Variants in TMEM238L observed in about 807,000 individuals in gnomAD.
TMEM238L encodes the protein transmembrane protein 238 like.
chr17:10,795,413 A>T (rs139803087), exon 2 of TMEM238L: 16 of 152,370 alleles, frequency 1.1e-4, no homozygotes, highest in African/African-American at 3.4e-4. Flanking sequence ...GTACGTTCAC[A>T]TTTGCAATCA....
chr17:10,799,865 A>C (rs1373620381), intron 1 of TMEM238L, among the ~76,000 whole-genome samples: 2 of 150,628 alleles, frequency 1.3e-5, no homozygotes, highest in Non-Finnish European at 2.9e-5. Flanking sequence ...TCTGCCCCTC[A>C]CCCCAGGCCC....
chr17:10,801,418 G>A (rs1198142824), intron 1 of TMEM238L, among the ~76,000 whole-genome samples: 1 of 152,120 alleles, frequency 6.6e-6, no homozygotes, highest in Non-Finnish European at 1.5e-5. Flanking sequence ...TCTGGCCTCT[G>A]TCTACCACAG....
chr17:10,802,955 T>C (rs1252853510), intron 1 of TMEM238L, among the ~76,000 whole-genome samples: 1 of 152,162 alleles, frequency 6.6e-6, no homozygotes, highest in East Asian at 1.9e-4. Flanking sequence ...CCTTGGAGAC[T>C]GGCTGGGCAC....
intron 1 of TMEM238L, among the ~76,000 whole-genome samples, chr17:10,801,773 C>T (rs1050389244): frequency 2.6e-5 from 4 of 151,600 alleles, no homozygotes; most frequent in Non-Finnish European, 5.9e-5. Flanking sequence ...AGAGCCCCCA[C>T]GTCATGTGTC....
intron 1 of TMEM238L, among the ~76,000 whole-genome samples, chr17:10,798,891 G>A (rs1904642286): frequency 6.6e-6 from 1 of 151,820 alleles, no homozygotes; most frequent in African/African-American, 2.4e-5. Context: ...TTATCTGCAG[G>A]AAATAACCAA....
intron 1 of TMEM238L, among the ~76,000 whole-genome samples, chr17:10,797,083 C>A (rs1904572829): frequency 6.6e-6 from 1 of 152,110 alleles, no homozygotes; most frequent in Admixed American, 6.5e-5. Flanking sequence ...AGTTGCCTAC[C>A]CCTGGTCTTA....
chr17:10,802,984 A>G (rs967888501), intron 1 of TMEM238L, among the ~76,000 whole-genome samples: 4 of 151,942 alleles, frequency 2.6e-5, no homozygotes, highest in Admixed American at 1.3e-4. Context: ...GCTGCGTGTG[A>G]GTGTGAGTGA....
At position 10,800,705 on chromosome 17, in the gene TMEM238L, A is replaced by G. The variant is rs78446506; in HGVS notation, c.*118+2901T>C. 6.2e-3 allele frequency among the ~76,000 whole-genome samples: 938 copies of G among 152,256 alleles called. 13 individuals carry two copies. Among genetic ancestry groups the G allele is most frequent in the African/African-American group, 0.022 (898 of 41,548 alleles). Reference sequence around the variant, plus strand: ...ATTATTAGCACCATCTCCATTTTACATATTTGGAGTAATGGGGCACGGAGA... The same window carrying G: ...ATTATTAGCACCATCTCCATTTTACGTATTTGGAGTAATGGGGCACGGAGA... On this transcript the variant is annotated intron_variant, in intron 1 of 1. Coordinates refer to ENST00000581851, the Ensembl canonical transcript of TMEM238L.
chr17:10,798,516 G>A (rs1904628894), intron 1 of TMEM238L, among the ~76,000 whole-genome samples: 2 of 152,166 alleles, frequency 1.3e-5, no homozygotes, highest in Non-Finnish European at 2.9e-5. Flanking sequence ...CTGCCTGTTG[G>A]AAAAAGTCGA....
intron 1 of TMEM238L, among the ~76,000 whole-genome samples, chr17:10,801,416 C>A (rs1244458797): frequency 6.6e-6 from 1 of 152,214 alleles, no homozygotes; most frequent in Admixed American, 6.5e-5. Flanking sequence ...GATCTGGCCT[C>A]TGTCTACCAC....
chr17:10,797,293 T>C (rs942615123), intron 1 of TMEM238L, among the ~76,000 whole-genome samples: 13 of 152,096 alleles, frequency 8.5e-5, no homozygotes, highest in African/African-American at 2.9e-4. Context: ...AATGGGATAA[T>C]GTGCAACCCT....
At chr17:10,802,946 C>T (rs1056396688) in intron 1 of TMEM238L, among the ~76,000 whole-genome samples, 3 of 152,154 alleles carry the variant, frequency 2.0e-5, no homozygotes, top group Admixed American at 2.0e-4. Context: ...ACTTCTGGGC[C>T]TTGGAGACTG....
At chr17:10,798,577 G>T in intron 1 of TMEM238L, among the ~76,000 whole-genome samples, 1 of 152,120 alleles carries the variant, frequency 6.6e-6, no homozygotes, top group Non-Finnish European at 1.5e-5. Flanking sequence ...TAGCCTTTTG[G>T]CTTTGGTTGG....
At chr17:10,800,315 G>A (rs1904699297) in intron 1 of TMEM238L, among the ~76,000 whole-genome samples, 1 of 152,176 alleles carries the variant, frequency 6.6e-6, no homozygotes, top group South Asian at 2.1e-4. Context: ...AGCCCCATAA[G>A]TGAGCAACGT....
At position 10,803,643 on chromosome 17, in the gene TMEM238L, G is replaced by A. The variant is rs542812872; in HGVS notation, c.*81C>T. On this transcript the variant is annotated 3_prime_UTR_variant, in exon 1 of 2. Transcript: ENST00000581851. ...TGGCTTGCTAGGTGGAAGCTGCAAC[G>A]TGTTGCTGCCCAAGAGCCCCAGGTT... The A allele has an allele frequency of 2.1e-4, 85 of 398,044 alleles. No homozygotes were observed. The Middle Eastern group carries it at 3.1e-3, about 15-fold the overall frequency. The allele number at this position is 398,044 out of a possible 1,614,324, so 24.7% of individuals were successfully genotyped here.
intron 1 of TMEM238L, among the ~76,000 whole-genome samples, chr17:10,799,319 T>C (rs917126236): frequency 3.3e-5 from 5 of 152,254 alleles, no homozygotes; most frequent in African/African-American, 7.2e-5. Flanking sequence ...TGCCTCAGCC[T>C]CCCAAGTAGC....
At chr17:10,798,182 C>G (rs1048253105) in intron 1 of TMEM238L, among the ~76,000 whole-genome samples, 1 of 152,058 alleles carries the variant, frequency 6.6e-6, no homozygotes, top group African/African-American at 2.4e-5. Context: ...GCAGCCCAGC[C>G]AGAACCACAC....
exon 2 of TMEM238L, chr17:10,794,973 A>C (rs980372763): frequency 2.6e-5 from 4 of 152,254 alleles, no homozygotes; most frequent in Admixed American, 1.3e-4. Flanking sequence ...ATACCATGAA[A>C]GATCGGAGGC....
intron 1 of TMEM238L, among the ~76,000 whole-genome samples, chr17:10,799,006 C>G (rs1904647694): frequency 6.6e-6 from 1 of 151,958 alleles, no homozygotes; most frequent in African/African-American, 2.4e-5. Context: ...CTATAAAAAT[C>G]AGCCACTCGC....
Sources: gnomAD v4.1 joint callset for allele counts (sites outside exome capture counted in the v4.1 genomes callset) on GRCh38, gnomAD v4.1.1 for gene constraint, MANE v1.5 for transcripts, NCBI Gene and HGNC (gene_info 2026-07-23, HGNC 2026-07-21) for gene names.